The following FHL1 variants were observed in gnomAD, a reference collection of about 807,000 sequenced individuals.
FHL1 encodes the protein four and a half LIM domains protein 1.
A neutral mutation model predicts 20.3 loss-of-function variants in FHL1; 1 was observed. The ratio of observed to expected loss-of-function variants is 0.05; its 90% confidence interval spans 0.02 to 0.23. The LOEUF (loss-of-function observed/expected upper bound fraction) is 0.23, where lower values mean the gene tolerates loss of function less well. FHL1 is among the 10% of genes least tolerant of loss of function. FHL1 has a pLI of 1.00. For synonymous variants in FHL1, 82 were observed against 88.9 expected, an observed-to-expected ratio of 0.92 and a Z score of 0.44; for missense variants, 177 against 234.0, an observed-to-expected ratio of 0.76 and a Z score of 1.59.
chrX:136,206,182 AG>A, intron 1 of FHL1: 2 of 457,278 alleles, frequency 4.4e-6, no homozygotes, highest in Non-Finnish European at 7.7e-6. Context: ...GGGAATCACT[AG>A]CCATCGGCCA....
At chrX:136,165,643 T>TG (rs1373768926), upstream of FHL1, among the ~76,000 whole-genome samples, 3 of 112,030 alleles carry the variant, frequency 2.7e-5, no homozygotes, top group Non-Finnish European at 5.6e-5. Flanking sequence ...AATGAGTCTG[T>TG]GGGGGATCAT....
intron 1 of FHL1, among the ~76,000 whole-genome samples, chrX:136,162,143 A>G (rs989240408): frequency 9.4e-6 from 1 of 106,503 alleles, no homozygotes; most frequent in Non-Finnish European, 1.9e-5. Flanking sequence ...AAAAAAAAAA[A>G]GTACTAGCGA....
chrX:136,186,726 C>T (rs2073297953), intron 2 of FHL1, among the ~76,000 whole-genome samples: 1 of 109,319 alleles, frequency 9.1e-6, no homozygotes, highest in Non-Finnish European at 1.9e-5. Flanking sequence ...TGGTGGCACG[C>T]ACCTTTAGTT....
In FHL1 at chrX:136,183,528, CAA is replaced by C. The variant is rs1409021869; in HGVS notation, c.-27+13549_-27+13550del. 3.5e-3 allele frequency among the ~76,000 whole-genome samples: 393 copies of C among 111,788 alleles called. 2 individuals carry two copies. Among genetic ancestry groups the C allele is most frequent in the African/African-American group, 0.012 (365 of 30,803 alleles). On this transcript the variant is annotated intron_variant, in intron 2 of 6. Transcript: ENST00000394153. ...ACTATATCTAGTTTCCGTTATAGCT[CAA>C]GTTTATGTATTATTTTATTAGCGTT... is the stretch of plus-strand genomic sequence containing the variant.
At chrX:136,167,935 C>T (rs187605719), upstream of FHL1, 11 of 112,059 alleles carry the variant, frequency 9.8e-5, no homozygotes, top group East Asian at 3.1e-3. Flanking sequence ...TGGATTGAAT[C>T]GAAAGAGAGG....
upstream of FHL1, chrX:136,168,379 G>C (rs1462716999): frequency 1.8e-5 from 2 of 111,811 alleles, no homozygotes; most frequent in Non-Finnish European, 3.8e-5. Context: ...CTAGGAGATA[G>C]AAATGAAATA....
intron 2 of FHL1, among the ~76,000 whole-genome samples, chrX:136,179,933 A>G (rs769716503): frequency 2.4e-4 from 27 of 111,834 alleles, no homozygotes; most frequent in Admixed American, 8.6e-4. Context: ...TTTATCAAAT[A>G]TCCACCATTT....
intron 2 of FHL1, among the ~76,000 whole-genome samples, chrX:136,184,458 A>G (rs1467722926): frequency 8.9e-6 from 1 of 112,094 alleles, no homozygotes. Context: ...CTTATTATAC[A>G]TTTATTATAC....
upstream of FHL1, chrX:136,196,871 T>C (rs1323557611): frequency 8.6e-7 from 1 of 1,163,903 alleles, no homozygotes; most frequent in East Asian, 3.3e-5. Flanking sequence ...CAGGTATTTA[T>C]ATGTAGCGTT....
chrX:136,166,432 G>A (rs1304339505), upstream of FHL1, among the ~76,000 whole-genome samples: 4 of 111,415 alleles, frequency 3.6e-5, no homozygotes, highest in Non-Finnish European at 5.7e-5. Flanking sequence ...AGGACTTTCT[G>A]GAAAGGATAG....
At chrX:136,196,690 G>A (rs944578557), upstream of FHL1, 12 of 546,448 alleles carry the variant, frequency 2.2e-5, no homozygotes, top group East Asian at 1.8e-4. Flanking sequence ...GCACAAAAAT[G>A]TATTATTTAC....
intron 2 of FHL1, among the ~76,000 whole-genome samples, chrX:136,175,248 GAT>G (rs2072972882): frequency 8.9e-6 from 1 of 112,550 alleles, no homozygotes; most frequent in African/African-American, 3.2e-5. Context: ...GGTATGCAAA[GAT>G]AAGCATATTT....
intron 1 of FHL1, chrX:136,204,927 T>C (rs1273985052): frequency 8.9e-6 from 1 of 112,358 alleles, no homozygotes; most frequent in African/African-American, 3.2e-5. Context: ...TTTCAGTTAG[T>C]GGAAGAGCTG....
At position 136,209,857 on chromosome X, in the gene FHL1, T is replaced by C. The variant is rs769912263; in HGVS notation, c.737-14T>C. The C allele has an allele frequency of 4.2e-6, 5 of 1,204,646 alleles. No individual in the cohort carries two copies. Among genetic ancestry groups the C allele is most frequent in the Non-Finnish European group, 5.6e-6 (5 of 892,602 alleles). ...TCTCTTGTTTTCTTTTCTTTTCTTT[T>C]TTTTTCCCCCCAGGGTTTGGTAAAG... On this transcript the variant is annotated splice_polypyrimidine_tract_variant and intron_variant, in intron 5 of 5. Transcript: ENST00000370683.
At chrX:136,204,988 A>C (rs1232328789) in intron 1 of FHL1, 1 of 112,259 alleles carries the variant, frequency 8.9e-6, no homozygotes, top group African/African-American at 3.2e-5. Context: ...CTTTCTCTCT[A>C]AATTACGCTG....
At chrX:136,164,681 G>GT (rs1469647709), upstream of FHL1, among the ~76,000 whole-genome samples, 8 of 111,558 alleles carry the variant, frequency 7.2e-5, no homozygotes, top group Admixed American at 4.8e-4. Flanking sequence ...GGGACCTTTT[G>GT]TTAGTTTCTA....
upstream of FHL1, among the ~76,000 whole-genome samples, chrX:136,147,164 GC>G (rs1435515227): frequency 9.1e-6 from 1 of 109,982 alleles, no homozygotes; most frequent in Non-Finnish European, 1.9e-5. Flanking sequence ...GGCGCCCCCG[GC>G]CCGCCCTCCT....
At chrX:136,149,705 A>C (rs1321991176) in intron 1 of FHL1, among the ~76,000 whole-genome samples, 1 of 111,854 alleles carries the variant, frequency 8.9e-6, no homozygotes, top group Non-Finnish European at 1.9e-5. Flanking sequence ...AAATTGATAA[A>C]ATTCCTCCTG....
At chrX:136,147,211 A>G (rs1211373734), upstream of FHL1, among the ~76,000 whole-genome samples, 1 of 108,043 alleles carries the variant, frequency 9.3e-6, no homozygotes, top group Non-Finnish European at 1.9e-5. Flanking sequence ...CTCGGGAAAG[A>G]GCCTGCCACC....
Sources: gnomAD v4.1 joint callset for allele counts (sites outside exome capture counted in the v4.1 genomes callset) on GRCh38, gnomAD v4.1.1 for gene constraint, MANE v1.5 for transcripts, NCBI Gene and HGNC (gene_info 2026-07-23, HGNC 2026-07-21) for gene names.